Variants in CSMD1 observed in about 807,000 individuals in gnomAD.
CSMD1 encodes CUB and Sushi multiple domains 1.
A neutral mutation model predicts 417.5 loss-of-function variants in CSMD1; 213 were observed. That is an observed-to-expected ratio of 0.51 (90% confidence interval 0.46 to 0.57). The LOEUF is 0.57. Ranked by LOEUF, CSMD1 falls within the 20% of genes least tolerant of loss-of-function variation. The pLI, the probability that CSMD1 is intolerant of heterozygous loss-of-function variation, is 0.00. For missense variants in CSMD1, 6,923 were observed against 4,529.7 expected, an observed-to-expected ratio of 1.53 and a Z score of -15.17; for synonymous variants, 2,862 against 1,736.8, an observed-to-expected ratio of 1.65 and a Z score of -16.11.
At chr8:4,087,854 G>T (rs529100615) in intron 3 of CSMD1, among the ~76,000 whole-genome samples, 1 of 151,490 alleles carries the variant, frequency 6.6e-6, no homozygotes, top group East Asian at 1.9e-4. Flanking sequence ...CCTACCTTAC[G>T]TGACCTAGGT....
intron 49 of CSMD1, among the ~76,000 whole-genome samples, chr8:3,071,084 C>G (rs1813294650): frequency 6.6e-6 from 1 of 152,120 alleles, no homozygotes; most frequent in Admixed American, 6.5e-5. Context: ...GGGGATGCCA[C>G]ACACCCAGGT....
chr8:3,165,803 A>T (rs557045380), intron 37 of CSMD1, among the ~76,000 whole-genome samples: 1 of 152,254 alleles, frequency 6.6e-6, no homozygotes, highest in East Asian at 1.9e-4. Flanking sequence ...AAAATAGGGC[A>T]AGAGTGGAGC....
At chr8:3,543,847 G>A (rs987824883) in intron 10 of CSMD1, among the ~76,000 whole-genome samples, 2 of 152,176 alleles carry the variant, frequency 1.3e-5, no homozygotes, top group Non-Finnish European at 2.9e-5. Context: ...CAGATGGATT[G>A]TATTTGAAGC....
intron 8 of CSMD1, among the ~76,000 whole-genome samples, chr8:3,596,501 G>A (rs1801101761): frequency 6.6e-6 from 1 of 152,108 alleles, no homozygotes. Context: ...GGATTCAAAT[G>A]GGCTTTCTTT....
chr8:3,980,491 C>T (rs898469175), intron 5 of CSMD1, among the ~76,000 whole-genome samples: 16 of 152,108 alleles, frequency 1.1e-4, no homozygotes, highest in African/African-American at 3.9e-4. Flanking sequence ...TCACAATTCA[C>T]TCTGCTCGTC....
intron 49 of CSMD1, among the ~76,000 whole-genome samples, chr8:3,085,616 T>A (rs192410929): frequency 1.3e-5 from 2 of 152,184 alleles, no homozygotes; most frequent in African/African-American, 2.4e-5. Context: ...GTGTGCACTA[T>A]TTGTATTTCT....
chr8:3,721,206 G>A (rs1018645120), intron 6 of CSMD1, among the ~76,000 whole-genome samples: 31 of 152,130 alleles, frequency 2.0e-4, no homozygotes, highest in African/African-American at 6.5e-4. Flanking sequence ...ATTTTCAAAG[G>A]AATGCAATTT....
At chr8:3,238,404 A>G (rs1799289677) in intron 26 of CSMD1, among the ~76,000 whole-genome samples, 1 of 152,136 alleles carries the variant, frequency 6.6e-6, no homozygotes, top group South Asian at 2.1e-4. Flanking sequence ...AGAGGCCTGA[A>G]AGTCCTGTTT....
chr8:3,616,870 A>T lies in CSMD1; in HGVS notation c.1010-73T>A. 3 of 1,013,350 alleles carry T rather than the reference A, an allele frequency of 3.0e-6. No homozygotes were observed. The South Asian group carries it at 4.5e-5, about 15-fold the overall frequency. The allele number at this position is 1,013,350 out of a possible 1,614,324, so 62.8% of individuals were successfully genotyped here. ...AATACCCAGATAAAAAATTTATTCT[A>T]GGCATTTTCAGTTCTTTAATGATAA... On this transcript the variant is annotated intron_variant, in intron 7 of 69. Coordinates refer to ENST00000635120, the MANE Select transcript of CSMD1 (RefSeq NM_033225.6).
intron 1 of CSMD1, among the ~76,000 whole-genome samples, chr8:4,735,187 C>A (rs1280311155): frequency 6.6e-6 from 1 of 152,174 alleles, no homozygotes; most frequent in African/African-American, 2.4e-5. Flanking sequence ...GGAATGCCCC[C>A]TTCTCTTTCA....
chr8:3,606,767 G>C (rs1801638480), intron 8 of CSMD1, among the ~76,000 whole-genome samples: 2 of 150,064 alleles, frequency 1.3e-5, no homozygotes, highest in South Asian at 4.2e-4. Flanking sequence ...CTGGGGTACA[G>C]TGGCGTGATC....
chr8:4,478,116 T>G (rs570429807), intron 2 of CSMD1, among the ~76,000 whole-genome samples: 9 of 152,210 alleles, frequency 5.9e-5, no homozygotes, highest in Non-Finnish European at 1.0e-4. Flanking sequence ...CCCTGGCTGT[T>G]ACGTTCACAG....
intron 54 of CSMD1, among the ~76,000 whole-genome samples, chr8:2,979,239 A>C (rs1805198816): frequency 6.6e-6 from 1 of 152,236 alleles, no homozygotes; most frequent in African/African-American, 2.4e-5. Context: ...TTAGTGCTTT[A>C]ATATGTGTGC....
At chr8:3,491,718 T>C (rs1050745658) in intron 11 of CSMD1, among the ~76,000 whole-genome samples, 1 of 152,172 alleles carries the variant, frequency 6.6e-6, no homozygotes, top group African/African-American at 2.4e-5. Flanking sequence ...TCATAAGTAA[T>C]CAATAAATAA....
intron 1 of CSMD1, among the ~76,000 whole-genome samples, chr8:4,964,622 T>G (rs1809731894): frequency 6.6e-6 from 1 of 150,442 alleles, no homozygotes; most frequent in Non-Finnish European, 1.5e-5. Flanking sequence ...CTGAAGCAGG[T>G]GGATCTTCCA....
intron 3 of CSMD1, among the ~76,000 whole-genome samples, chr8:4,224,292 T>C (rs1316529302): frequency 3.3e-5 from 5 of 152,184 alleles, no homozygotes; most frequent in South Asian, 2.1e-4. Context: ...TGGTAAAATA[T>C]ACAAAACATT....
chr8:3,692,510 C>T (rs537166001), intron 7 of CSMD1, among the ~76,000 whole-genome samples: 10 of 151,846 alleles, frequency 6.6e-5, no homozygotes, highest in African/African-American at 1.2e-4. Context: ...GGCGCGATAT[C>T]GGCTCACTAC....
chr8:4,129,496 G>A (rs142671057), intron 3 of CSMD1, among the ~76,000 whole-genome samples: 19 of 152,250 alleles, frequency 1.2e-4, no homozygotes, highest in African/African-American at 3.6e-4. Context: ...AAAAAGTCTA[G>A]GAGTAAATGA....
chr8:3,368,933 C>G (rs188517517), intron 19 of CSMD1, among the ~76,000 whole-genome samples: 1 of 152,212 alleles, frequency 6.6e-6, no homozygotes, highest in East Asian at 1.9e-4. Flanking sequence ...TCGCTTATTT[C>G]CCTTTATTTA....
Sources: allele counts gnomAD v4.1 joint callset (sites outside exome capture counted in the v4.1 genomes callset), GRCh38; gene constraint gnomAD v4.1.1; transcripts MANE v1.5; gene names NCBI Gene and HGNC (gene_info 2026-07-23, HGNC 2026-07-21).